SCAPER: variants seen among roughly 807,000 people sequenced by gnomAD.
SCAPER encodes the protein S-phase cyclin A associated protein in the ER.
Under a neutral mutation model 182.2 loss-of-function variants are expected in SCAPER, and 98 were observed. The observed-to-expected ratio is 0.54, with a 90% CI of 0.46 to 0.64. SCAPER has a LOEUF of 0.64. Among genes scored for constraint, SCAPER ranks in the 30% least tolerant of loss-of-function variants. The pLI is 0.00. For missense variants in SCAPER, 1,432 were observed against 1,690.0 expected (o/e 0.85, Z 2.68); for synonymous variants, 605 against 564.6 (o/e 1.07, Z -1.01).
intron 29 of SCAPER, among the ~76,000 whole-genome samples, chr15:76,370,310 T>TGTTTTTTG (rs1555414223): frequency 2.2e-5 from 3 of 137,360 alleles, no homozygotes; most frequent in African/African-American, 8.2e-5. Context: ...TTTTTTTTTT[T>TGTTTTTTG]TTTTTTGTTT....
At chr15:76,581,679 C>CA (rs2048286863) in intron 22 of SCAPER, among the ~76,000 whole-genome samples, 1 of 152,146 alleles carries the variant, frequency 6.6e-6, no homozygotes, top group Non-Finnish European at 1.5e-5. Flanking sequence ...CTCTGCCTCC[C>CA]AAGTTCAAGC....
intron 9 of SCAPER, chr15:76,774,304 A>G: frequency 3.1e-6 from 1 of 317,692 alleles, no homozygotes; most frequent in Admixed American, 5.0e-5. Flanking sequence ...AAAACTATTA[A>G]TGTCATGAAA....
rs555470303 is a variant in SCAPER, at chr15:76,643,323, C to T, written c.2646-21494G>A. The stretch of plus-strand genomic sequence containing the variant: ...GGATCAAACTTGAACTACTGTTCAA[C>T]GACTGTTGAACTACTTCCTCACATG... On this transcript the variant is annotated intron_variant, in intron 21 of 31. Coordinates refer to ENST00000563290, the MANE Select transcript of SCAPER (RefSeq NM_020843.4). 7.9e-5 allele frequency among the ~76,000 whole-genome samples: 12 copies of T among 152,296 alleles called. No individual in the cohort carries two copies. The South Asian group carries it at 1.2e-3, about 16-fold the overall frequency.
At chr15:76,640,941 G>A (rs1306521151) in intron 21 of SCAPER, among the ~76,000 whole-genome samples, 3 of 152,142 alleles carry the variant, frequency 2.0e-5, no homozygotes, top group Non-Finnish European at 4.4e-5. Context: ...AAAAGCAGAT[G>A]TTCATAGCTC....
chr15:76,705,710 C>G (rs934436352), intron 18 of SCAPER, among the ~76,000 whole-genome samples, 193 bp downstream of exon 18: 3 of 151,630 alleles, frequency 2.0e-5, no homozygotes, highest in Non-Finnish European at 4.4e-5. Context: ...TTTTTTTCCT[C>G]AATGGCCCTA....
intron 21 of SCAPER, among the ~76,000 whole-genome samples, chr15:76,652,026 A>G (rs1002007126): frequency 6.6e-6 from 1 of 151,612 alleles, no homozygotes; most frequent in Non-Finnish European, 1.5e-5. Context: ...CAAATTCCAT[A>G]TAACCATCTA....
Position 76,694,810 on chromosome 15 carries a change from T to G in SCAPER, c.2508+6948A>C, listed in dbSNP as rs372769801. On this transcript the variant is annotated intron_variant, in intron 20 of 31. Coordinates refer to ENST00000563290, the MANE Select transcript of SCAPER (RefSeq NM_020843.4). ...TATTTTAACAACAAATTTAACTATG[T>G]ACTTTTAAAATCATGACCAAATTGT... Among the ~76,000 whole-genome samples, 31 of 152,242 alleles carry G rather than the reference T, an allele frequency of 2.0e-4. 1 individual carries two copies. The East Asian group carries it at 3.1e-3, about 15-fold the overall frequency.
At chr15:76,555,003 A>T (rs2046087436) in intron 23 of SCAPER, among the ~76,000 whole-genome samples, 1 of 151,696 alleles carries the variant, frequency 6.6e-6, no homozygotes, top group South Asian at 2.1e-4. Flanking sequence ...CTGGTCTCGA[A>T]CTCCTGACCT....
chr15:76,422,045 T>A (rs1315352014), intron 26 of SCAPER, among the ~76,000 whole-genome samples: 1 of 152,196 alleles, frequency 6.6e-6, no homozygotes, highest in African/African-American at 2.4e-5. Context: ...TAGTTTGAAG[T>A]CAGGTAGCGT....
At chr15:76,742,125 A>T (rs2061572795) in intron 15 of SCAPER, among the ~76,000 whole-genome samples, 1 of 152,092 alleles carries the variant, frequency 6.6e-6, no homozygotes, top group African/African-American at 2.4e-5. Flanking sequence ...TGTTCATATG[A>T]AGTGACTCAG....
At chr15:76,441,564 A>G (rs1225967975) in intron 25 of SCAPER, among the ~76,000 whole-genome samples, 1 of 152,096 alleles carries the variant, frequency 6.6e-6, no homozygotes, top group East Asian at 1.9e-4. Flanking sequence ...CCAAATTAAT[A>G]TACTAAGTCA....
At chr15:76,873,274 AAAGG>A (rs1186656853) in intron 2 of SCAPER, among the ~76,000 whole-genome samples, 3,097 of 104,970 alleles carry the variant, frequency 0.03, 69 homozygotes, top group Non-Finnish European at 0.036. Flanking sequence ...AAAGAAAGGA[AAAGG>A]AAGGAAGGAA....
At chr15:76,588,141 C>T (rs2048820680) in intron 22 of SCAPER, among the ~76,000 whole-genome samples, 1 of 152,158 alleles carries the variant, frequency 6.6e-6, no homozygotes, top group South Asian at 2.1e-4. Context: ...CCAGAATGGT[C>T]TTGATCTCCT....
At chr15:76,618,334 A>C (rs2051688656) in intron 22 of SCAPER, among the ~76,000 whole-genome samples, 1 of 152,242 alleles carries the variant, frequency 6.6e-6, no homozygotes, top group Non-Finnish European at 1.5e-5. Flanking sequence ...TGCAGCTTTA[A>C]AATTTTATTA....
At chr15:76,642,119 C>T (rs2054153719) in intron 21 of SCAPER, among the ~76,000 whole-genome samples, 1 of 152,280 alleles carries the variant, frequency 6.6e-6, no homozygotes, top group African/African-American at 2.4e-5. Context: ...TAAATATTAG[C>T]TCTCTTTACT....
intron 5 of SCAPER, among the ~76,000 whole-genome samples, chr15:76,831,893 A>C (rs1252273851): frequency 6.6e-6 from 1 of 152,132 alleles, no homozygotes; most frequent in African/African-American, 2.4e-5. Context: ...TGGTGGCCTG[A>C]AAGCATTCAG....
At chr15:76,755,657 T>G (rs183252646) in intron 14 of SCAPER, among the ~76,000 whole-genome samples, 50 of 152,328 alleles carry the variant, frequency 3.3e-4, no homozygotes, top group African/African-American at 1.1e-3. Context: ...TCCCATATTG[T>G]ATCAGGACTG....
At chr15:76,608,709 C>T (rs28872319) in intron 22 of SCAPER, among the ~76,000 whole-genome samples, 1 of 152,154 alleles carries the variant, frequency 6.6e-6, no homozygotes, top group Admixed American at 6.5e-5. Flanking sequence ...AATCAAACAA[C>T]TAATTCGGCA....
intron 21 of SCAPER, among the ~76,000 whole-genome samples, chr15:76,641,756 A>C (rs1265434987): frequency 6.6e-6 from 1 of 152,196 alleles, no homozygotes; most frequent in African/African-American, 2.4e-5. Context: ...ATTTGGTAAC[A>C]CCATATGGAA....
Sources: gnomAD v4.1 joint callset for allele counts (sites outside exome capture counted in the v4.1 genomes callset) on GRCh38, gnomAD v4.1.1 for gene constraint, MANE v1.5 for transcripts, NCBI Gene and HGNC (gene_info 2026-07-23, HGNC 2026-07-21) for gene names.